Variants in GRIN3A observed in about 807,000 individuals in gnomAD.
GRIN3A encodes the protein glutamate receptor ionotropic, NMDA 3A.
Under a neutral mutation model 92.4 loss-of-function variants are expected in GRIN3A, and 47 were observed. The ratio of observed to expected loss-of-function variants is 0.51; its 90% CI spans 0.40 to 0.65. GRIN3A has a LOEUF of 0.65. GRIN3A is among the 30% of genes least tolerant of loss of function. The probability of loss-of-function intolerance (pLI) is 0.00; values close to 1 mark genes in which losing one functional copy is unlikely to be tolerated. For synonymous variants in GRIN3A, 527 were observed against 540.6 expected, an observed-to-expected ratio of 0.97 and a Z score of 0.35; for missense variants, 1,324 against 1,393.1, an observed-to-expected ratio of 0.95 and a Z score of 0.79.
intron 6 of GRIN3A, among the ~76,000 whole-genome samples, chr9:101,588,886 C>A (rs1588237715): frequency 6.6e-6 from 1 of 152,138 alleles, no homozygotes. Flanking sequence ...TGACTACTCC[C>A]AAACTGTGGT....
At position 101,671,005 on chromosome 9, in the gene GRIN3A, T is replaced by C; in HGVS notation, c.1407A>G (p.Gln469=). 6.2e-7 allele frequency: 1 copy of C among 1,613,952 alleles called. No individual in the cohort carries two copies. The highest frequency in any genetic ancestry group is 1.1e-5 in the South Asian group (1 of 91,078). The change falls in exon 3 of 9, where the codon CAA becomes CAG. Residue 469 remains glutamine, a synonymous_variant. Coordinates refer to ENST00000361820, the MANE Select transcript of GRIN3A (RefSeq NM_133445.3). ...SENNFFIWNL[Q]HDPMGKPMWT... is the part of the protein sequence containing the mutation. ...ACATTGGCTTTCCCATGGGGTCATG[T>C]TGAAGATTCCAGATGAAAAAGTTGT...
chr9:101,581,163 T>C (rs751890253), intron 6 of GRIN3A, among the ~76,000 whole-genome samples: 1 of 152,250 alleles, frequency 6.6e-6, no homozygotes, highest in Non-Finnish European at 1.5e-5. Context: ...ATGATACATT[T>C]GATCCATGCT....
At chr9:101,702,274 C>A (rs1257211158) in intron 1 of GRIN3A, among the ~76,000 whole-genome samples, 4 of 152,106 alleles carry the variant, frequency 2.6e-5, no homozygotes, top group African/African-American at 4.8e-5. Context: ...TGCACCTCAG[C>A]CTGGTTGACA....
At chr9:101,595,019 G>C in intron 6 of GRIN3A, 1 of 1,450,590 alleles carries the variant, frequency 6.9e-7, no homozygotes, top group Non-Finnish European at 9.2e-7. Context: ...TGGGCCATGG[G>C]GTGGGGGTAG....
At chr9:101,623,647 T>C (rs565575510) in intron 4 of GRIN3A, among the ~76,000 whole-genome samples, 50 of 152,326 alleles carry the variant, frequency 3.3e-4, no homozygotes, top group African/African-American at 1.1e-3. Flanking sequence ...ATGACATCTT[T>C]CCAATGAGTT....
intron 3 of GRIN3A, among the ~76,000 whole-genome samples, chr9:101,628,885 T>C (rs1828675009): frequency 6.7e-6 from 1 of 149,844 alleles, no homozygotes; most frequent in Non-Finnish European, 1.5e-5. Context: ...TATTACATTT[T>C]GTTTATTGAA....
At position 101,673,479 on chromosome 9, in the gene GRIN3A, C is replaced by A. The variant is rs1467383272; in HGVS notation, c.1305-2372G>T. On this transcript the variant is annotated intron_variant, in intron 2 of 8. Transcript: ENST00000361820. ...CAAAAAATTGGGTCCCAGAGAATCA[C>A]CATTTATGACAGATTATTTGTGTCT... 4.6e-5 allele frequency among the ~76,000 whole-genome samples: 7 copies of A among 152,020 alleles called. No homozygotes were observed. The South Asian group carries it at 1.0e-3, about 23-fold the overall frequency.
At chr9:101,671,356 T>C (rs984842292) in intron 2 of GRIN3A, among the ~76,000 whole-genome samples, 3 of 152,208 alleles carry the variant, frequency 2.0e-5, no homozygotes, top group Admixed American at 2.0e-4. Context: ...GCTTGACTCT[T>C]AGTCTTACTC....
chr9:101,708,672 C>G (rs941042348), intron 1 of GRIN3A, among the ~76,000 whole-genome samples: 1 of 152,100 alleles, frequency 6.6e-6, no homozygotes, highest in African/African-American at 2.4e-5. Context: ...CATCTTTGTT[C>G]AAAGCATAAA....
intron 6 of GRIN3A, among the ~76,000 whole-genome samples, chr9:101,591,424 C>T (rs1828024825): frequency 6.6e-6 from 1 of 152,140 alleles, no homozygotes; most frequent in Admixed American, 6.5e-5. Context: ...AAATAAAGCT[C>T]AGGATTTGGG....
Position 101,574,520 on chromosome 9 carries a change from T to A in GRIN3A, c.3009-1007A>T, listed in dbSNP as rs184935147. Among the ~76,000 whole-genome samples the A allele has an allele frequency of 3.9e-5, 6 of 152,224 alleles. No homozygotes were observed. The East Asian group carries it at 1.2e-3, about 29-fold the overall frequency. ...TCCCATTCATGTAACTGAATTGACTTTTTTCCTGGACTCTTACTTGCCAGG... is the reference window on the plus strand; with the variant it reads ...TCCCATTCATGTAACTGAATTGACTATTTTCCTGGACTCTTACTTGCCAGG... On this transcript the variant is annotated intron_variant, in intron 8 of 8. Coordinates refer to ENST00000361820, the MANE Select transcript of GRIN3A (RefSeq NM_133445.3).
intron 2 of GRIN3A, among the ~76,000 whole-genome samples, chr9:101,675,239 C>T (rs1829379872): frequency 6.6e-6 from 1 of 151,898 alleles, no homozygotes; most frequent in Admixed American, 6.6e-5. Flanking sequence ...ATGAATTTTT[C>T]TTTATTAAAA....
At chr9:101,583,245 A>G (rs1200893643) in intron 6 of GRIN3A, among the ~76,000 whole-genome samples, 3 of 152,218 alleles carry the variant, frequency 2.0e-5, no homozygotes, top group African/African-American at 7.2e-5. Flanking sequence ...ATTTATAGGT[A>G]TCCTTTTCTA....
chr9:101,644,897 T>C (rs1218945482), intron 3 of GRIN3A, among the ~76,000 whole-genome samples: 2 of 151,894 alleles, frequency 1.3e-5, no homozygotes, highest in Non-Finnish European at 2.9e-5. Flanking sequence ...TAATTGCACA[T>C]ATTTATGGGG....
intron 1 of GRIN3A, among the ~76,000 whole-genome samples, chr9:101,734,161 T>A (rs1830173322): frequency 6.6e-6 from 1 of 152,158 alleles, no homozygotes; most frequent in Admixed American, 6.5e-5. Context: ...GGAGTTAACT[T>A]TGAAGAAACT....
In GRIN3A at chr9:101,645,187, A is replaced by G. The variant is rs76767599; in HGVS notation, c.2353-16786T>C. 4.2e-3 allele frequency among the ~76,000 whole-genome samples: 638 copies of G among 151,748 alleles called. 7 individuals are homozygous for G. The highest frequency in any genetic ancestry group is 0.015 in the African/African-American group (611 of 41,450). On this transcript the variant is annotated intron_variant, in intron 3 of 8. Transcript: ENST00000361820. ...TGCTTCCTAACCTCTAGTAACCATC[A>G]TTCTACTCTCTGTCTCCGTGAAATC...
chr9:101,665,515 G>A (rs1829226940), intron 3 of GRIN3A, among the ~76,000 whole-genome samples: 2 of 151,920 alleles, frequency 1.3e-5, no homozygotes, highest in African/African-American at 4.8e-5. Context: ...GCAACATGGT[G>A]TAAGGGGAAC....
At chr9:101,654,341 T>C (rs894728538) in intron 3 of GRIN3A, among the ~76,000 whole-genome samples, 2 of 151,086 alleles carry the variant, frequency 1.3e-5, no homozygotes, top group African/African-American at 4.8e-5. Flanking sequence ...ATATTATACA[T>C]GCTTTATATT....
chr9:101,724,427 C>A (rs1830058036), intron 1 of GRIN3A, among the ~76,000 whole-genome samples: 1 of 152,154 alleles, frequency 6.6e-6, no homozygotes, highest in South Asian at 2.1e-4. Flanking sequence ...CCCGCCAAGC[C>A]CACGCCCACC....
Sources: gnomAD v4.1 joint callset for allele counts (sites outside exome capture counted in the v4.1 genomes callset) on GRCh38, gnomAD v4.1.1 for gene constraint, MANE v1.5 for transcripts, NCBI Gene and HGNC (gene_info 2026-07-23, HGNC 2026-07-21) for gene names.